Variants in CACNA1B observed in about 807,000 individuals in gnomAD.
The protein encoded by CACNA1B is voltage-dependent N-type calcium channel subunit alpha-1B.
CACNA1B carries 70 observed loss-of-function variants against 247.2 expected under a neutral mutation model. The observed-to-expected ratio is 0.28, with a 90% confidence interval of 0.23 to 0.35. The LOEUF is 0.35. Ranked by LOEUF, CACNA1B falls within the 10% of genes least tolerant of loss-of-function variation. The pLI is 1.00. For synonymous variants in CACNA1B, 1,231 were observed against 1,294.4 expected, an observed-to-expected ratio of 0.95 and a Z score of 1.05; for missense variants, 2,367 against 3,197.4, an observed-to-expected ratio of 0.74 and a Z score of 6.26.
chr9:137,924,385 T>TTCCC (rs1957527538), intron 6 of CACNA1B, among the ~76,000 whole-genome samples: 1 of 140,490 alleles, frequency 7.1e-6, no homozygotes, highest in African/African-American at 2.6e-5. Flanking sequence ...TCCTCCTTCC[T>TTCCC]TCCCTCCCTC....
intron 21 of CACNA1B, 36 bp from the exon 22 acceptor site, chr9:138,046,868 G>A (rs201628141): frequency 1.3e-6 from 2 of 1,597,278 alleles, no homozygotes; most frequent in Admixed American, 1.7e-5. Context: ...GCGCCCGGCT[G>A]GGGGGCCTTG....
chr9:137,955,692 TG>T lies in CACNA1B; in HGVS notation c.1071-4del. The T allele has an allele frequency of 6.2e-7, 1 of 1,600,204 alleles. No homozygotes were observed. The highest frequency in any genetic ancestry group is 8.6e-7 in the Non-Finnish European group (1 of 1,169,254). On this transcript the variant is annotated splice_polypyrimidine_tract_variant and splice_region_variant and intron_variant, in intron 7 of 46. Coordinates refer to ENST00000371372, the MANE Select transcript of CACNA1B (RefSeq NM_000718.4). The surrounding 1 kb of genome is among the most constrained non-coding windows in gnomAD (Gnocchi z 6.9). ...TGATCTTGCTTTTCCGGCCCCTGCA[TG>T]GTAGGGAGTTTGCCAAGGAGCGAGA...
At chr9:138,036,104 C>T (rs890762264) in intron 20 of CACNA1B, among the ~76,000 whole-genome samples, 2 of 151,522 alleles carry the variant, frequency 1.3e-5, no homozygotes, top group African/African-American at 4.9e-5. Context: ...GGTTTCTTTC[C>T]CCCCCGCCCC....
intron 43 of CACNA1B, 54 bp downstream of exon 43, chr9:138,118,135 TG>T: frequency 6.8e-6 from 4 of 589,658 alleles, no homozygotes; most frequent in Non-Finnish European, 6.2e-6. Flanking sequence ...TGAACAGGGA[TG>T]GGGGATGTTT....
At chr9:138,074,133 A>G in intron 34 of CACNA1B, 67 bp downstream of exon 34, 2 of 1,058,752 alleles carry the variant, frequency 1.9e-6, no homozygotes, top group South Asian at 2.5e-5. Context: ...AGGGGCACTG[A>G]TCATGATTGT....
intron 1 of CACNA1B, 54 bp downstream of exon 1, chr9:137,878,271 G>T: frequency 8.8e-7 from 1 of 1,139,598 alleles, no homozygotes; most frequent in Non-Finnish European, 1.1e-6. Flanking sequence ...GGTGGGGGCC[G>T]GGGCCGGGGC....
chr9:138,016,701 G>A (rs1222043672), intron 18 of CACNA1B, among the ~76,000 whole-genome samples: 3 of 152,056 alleles, frequency 2.0e-5, no homozygotes, highest in African/African-American at 7.2e-5. Context: ...GGGCACCCTC[G>A]CCTCCTTTGT....
rs983783177 is a variant in CACNA1B at position 138,124,026 on chromosome 9, C to A, written c.*2027C>A. 6.6e-6 allele frequency: 1 copy of A among 152,204 alleles called. No individual in the cohort carries two copies. The highest frequency in any genetic ancestry group is 1.5e-5 in the Non-Finnish European group (1 of 68,048). 9.4% of individuals were successfully genotyped at this position (152,204 alleles called of 1,614,324 possible). On this transcript the variant is annotated 3_prime_UTR_variant, in exon 47 of 47. Coordinates refer to ENST00000371372, the MANE Select transcript of CACNA1B (RefSeq NM_000718.4). ...GAGAATCCACTTTTCTAAACCCACACAGCCTAGCTGGCTTGTCTAGACTCT... is the reference window on the plus strand; with the variant it reads ...GAGAATCCACTTTTCTAAACCCACAAAGCCTAGCTGGCTTGTCTAGACTCT...
chr9:138,093,692 A>G (rs1408524295), intron 36 of CACNA1B, among the ~76,000 whole-genome samples: 1 of 151,978 alleles, frequency 6.6e-6, no homozygotes, highest in African/African-American at 2.4e-5. Flanking sequence ...GTGACCTGAG[A>G]TCACGCCACT....
chr9:137,951,393 C>T (rs575051121), intron 6 of CACNA1B, among the ~76,000 whole-genome samples: 130 of 152,188 alleles, frequency 8.5e-4, no homozygotes, highest in African/African-American at 9.4e-4. Flanking sequence ...GATCAGCGCC[C>T]GCTGCAGGGC....
intron 23 of CACNA1B, 134 bp from the exon 24 acceptor site, chr9:138,049,075 C>T: frequency 1.5e-6 from 1 of 673,878 alleles, no homozygotes; most frequent in Non-Finnish European, 2.7e-6. Flanking sequence ...GGCTGGTGTC[C>T]AACTCCCGGG....
rs1404369523 is a variant in CACNA1B, at chr9:138,010,642, T to C, written c.2160+565T>C. The stretch of plus-strand genomic sequence containing the variant: ...CCCTAGCTCCTAGTAGAGGTGGTGC[T>C]GCCTTCTGGTTTGGTGTGAACCACG... On this transcript the variant is annotated intron_variant, in intron 17 of 46. Coordinates refer to ENST00000371372, the MANE Select transcript of CACNA1B (RefSeq NM_000718.4). This position sits in a 1 kb window ranked among gnomAD's most constrained non-coding sequence, Gnocchi z 5.3. Among the ~76,000 whole-genome samples the C allele has an allele frequency of 6.6e-6, 1 of 152,152 alleles. No individual in the cohort carries two copies. The highest frequency in any genetic ancestry group is 1.5e-5 in the Non-Finnish European group (1 of 68,004).
chr9:138,000,371 T>G lies in CACNA1B; in HGVS notation c.1975-6396T>G, dbSNP rs532794213. Among the ~76,000 whole-genome samples the G allele has an allele frequency of 4.3e-4, 65 of 152,334 alleles. 2 individuals are homozygous for G. The highest frequency in any genetic ancestry group is 7.9e-4 in the Non-Finnish European group (54 of 68,030). On this transcript the variant is annotated intron_variant, in intron 15 of 46. Transcript: ENST00000371372. ...CCTTGGCCTCCCAAAGTGCTGGGATTACAGACATGAGCCACCGTGCCTGGC... is the reference window on the plus strand; with the variant it reads ...CCTTGGCCTCCCAAAGTGCTGGGATGACAGACATGAGCCACCGTGCCTGGC...
intron 3 of CACNA1B, chr9:137,892,223 C>G: frequency 2.2e-6 from 1 of 456,810 alleles, no homozygotes; most frequent in Non-Finnish European, 4.4e-6. Context: ...GGCGCTGCAA[C>G]AGCAGACATT....
At chr9:137,878,824 C>G (rs1433372822) in intron 1 of CACNA1B, among the ~76,000 whole-genome samples, 2 of 152,120 alleles carry the variant, frequency 1.3e-5, no homozygotes, top group Non-Finnish European at 2.9e-5. Flanking sequence ...CCGGGTGTGC[C>G]GAGGGGCTGG....
chr9:137,882,640 A>T lies in CACNA1B; in HGVS notation c.391-104A>T. ...GTGAGGAGGGTCAGACCCTCACGATAGCTGTGGCCTGCACATGGTGGGGTG... is the reference window on the plus strand; with the variant it reads ...GTGAGGAGGGTCAGACCCTCACGATTGCTGTGGCCTGCACATGGTGGGGTG... On this transcript the variant is annotated intron_variant, in intron 2 of 46. Coordinates refer to ENST00000371372, the MANE Select transcript of CACNA1B (RefSeq NM_000718.4). This position sits in a 1 kb window ranked among gnomAD's most constrained non-coding sequence, Gnocchi z 4.0. 7.5e-7 allele frequency: 1 copy of T among 1,332,782 alleles called. No homozygotes were observed. The highest frequency in any genetic ancestry group is 1.3e-5 in the South Asian group (1 of 76,904). 82.6% of individuals were successfully genotyped at this position (1,332,782 alleles called of 1,614,324 possible).
Position 137,955,647 on chromosome 9 carries a change from C to T in CACNA1B, c.1071-51C>T. On this transcript the variant is annotated intron_variant, in intron 7 of 46. Coordinates refer to ENST00000371372, the MANE Select transcript of CACNA1B (RefSeq NM_000718.4). This position sits in a 1 kb window ranked among gnomAD's most constrained non-coding sequence, Gnocchi z 6.9. ...CCTTTTTGTCTCTGGGGCTGCACAC[C>T]TGTGGGGCTTGCACTCACCTGATCT... 1.6e-6 allele frequency: 2 copies of T among 1,229,422 alleles called. No individual in the cohort carries two copies. The highest frequency in any genetic ancestry group is 1.2e-6 in the Non-Finnish European group (1 of 848,200). 76.2% of individuals were successfully genotyped at this position (1,229,422 alleles called of 1,614,324 possible).
chr9:138,078,347 T>C, intron 36 of CACNA1B, 89 bp downstream of exon 36: 1 of 1,328,314 alleles, frequency 7.5e-7, no homozygotes, highest in Non-Finnish European at 1.1e-6. Context: ...GATCCCTGAC[T>C]CTGATCCAGG....
At chr9:137,941,310 C>A (rs3903361) in intron 6 of CACNA1B, among the ~76,000 whole-genome samples, 93 of 152,182 alleles carry the variant, frequency 6.1e-4, no homozygotes, top group African/African-American at 2.2e-3. Context: ...AACTCAACCC[C>A]TTTTACAATA....
Sources: allele counts gnomAD v4.1 joint callset (sites outside exome capture counted in the v4.1 genomes callset), GRCh38; gene constraint gnomAD v4.1.1; non-coding constraint Gnocchi (gnomAD v3.1); transcripts MANE v1.5; gene names NCBI Gene and HGNC (gene_info 2026-07-23, HGNC 2026-07-21).